Variants in TRIM5 observed in about 807,000 individuals in gnomAD.
TRIM5 encodes the protein tripartite motif-containing protein 5.
A neutral mutation model predicts 35.6 loss-of-function variants in TRIM5; 31 were observed. The observed-to-expected ratio is 0.87, with a 90% CI of 0.65 to 1.18. The LOEUF (loss-of-function observed/expected upper bound fraction) is 1.18, where lower values mean the gene tolerates loss of function less well. Ranked by LOEUF, TRIM5 falls within the 50% of genes most tolerant of loss-of-function variation. The pLI, the probability that TRIM5 is intolerant of heterozygous loss-of-function variation, is 0.00. For missense variants in TRIM5, 609 were observed against 591.6 expected, an observed-to-expected ratio of 1.03 and a Z score of -0.31; for synonymous variants, 243 against 215.6, an observed-to-expected ratio of 1.13 and a Z score of -1.11.
chr11:5,645,926 T>G, the TRIM5 span: 40 of 157,500 alleles, frequency 2.5e-4, no homozygotes, highest in Non-Finnish European at 4.0e-4. Context: ...GATATATATA[T>G]AGATATATAA....
rs59932562 is a variant in TRIM5, at chr11:5,680,480, T to A, written c.-61-242A>T. On this transcript the variant is annotated intron_variant, in intron 1 of 7. Coordinates refer to ENST00000380034, the MANE Select transcript of TRIM5 (RefSeq NM_033034.3). ...CTTATCTGTGCATTGGTTATCATTT[T>A]TCTTTACTTTCAATGAATAGAAAAC... 2.3e-3 allele frequency among the ~76,000 whole-genome samples: 352 copies of A among 152,342 alleles called. 2 individuals carry two copies. The highest frequency in any genetic ancestry group is 3.5e-3 in the Non-Finnish European group (235 of 68,032).
chr11:5,678,139 G>A (rs986264944), intron 4 of TRIM5, 65 bp downstream of exon 4: 8 of 1,383,566 alleles, frequency 5.8e-6, no homozygotes, highest in African/African-American at 2.9e-5. Context: ...GCACAGCAAC[G>A]CAGAGAAGGA....
chr11:5,681,924 G>A lies in TRIM5; in HGVS notation c.-61-1686C>T, dbSNP rs143080102. Among the ~76,000 whole-genome samples, 1,408 of 152,018 alleles carry A rather than the reference G, an allele frequency of 9.3e-3. 22 individuals are homozygous for A. The highest frequency in any genetic ancestry group is 0.03 in the African/African-American group (1,252 of 41,480). ...AGTGACTCCTCTGCCCCAGCCTCCC[G>A]AGCAGCTGGGACCACAGGCACGCAC... On this transcript the variant is annotated intron_variant, in intron 1 of 7. Coordinates refer to ENST00000380034, the MANE Select transcript of TRIM5 (RefSeq NM_033034.3).
chr11:5,630,296 T>C, the TRIM5 span, among the ~76,000 whole-genome samples: 1 of 152,180 alleles, frequency 6.6e-6, no homozygotes, highest in Non-Finnish European at 1.5e-5. Context: ...TAACCTTTTT[T>C]TCCCCCACAT....
chr11:5,632,888 G>C, the TRIM5 span: 1 of 1,240,200 alleles, frequency 8.1e-7, no homozygotes, highest in Non-Finnish European at 1.0e-6. Flanking sequence ...GTGCAGTGGC[G>C]TGCTCTCGGC....
At chr11:5,653,777 C>A in the TRIM5 span, among the ~76,000 whole-genome samples, 11 of 152,174 alleles carry the variant, frequency 7.2e-5, no homozygotes, top group South Asian at 2.1e-3. Context: ...AGGTGTGAGC[C>A]ACCACGCCCG....
the TRIM5 span, among the ~76,000 whole-genome samples, chr11:5,602,075 G>C: frequency 6.6e-6 from 1 of 152,184 alleles, no homozygotes; most frequent in Non-Finnish European, 1.5e-5. Flanking sequence ...TGAACAAAAA[G>C]TCTCAGATCT....
At chr11:5,670,570 C>T (rs1851511422) in intron 4 of TRIM5, among the ~76,000 whole-genome samples, 1 of 152,036 alleles carries the variant, frequency 6.6e-6, no homozygotes, top group African/African-American at 2.4e-5. Context: ...CCTGGCCATG[C>T]TAAAGACACA....
the TRIM5 span, among the ~76,000 whole-genome samples, chr11:5,592,913 T>C: frequency 0.011 from 754 of 70,442 alleles, 9 homozygotes; most frequent in African/African-American, 0.045. Context: ...TGAGATTGTC[T>C]CAAAAAAAAA....
chr11:5,600,338 T>G, the TRIM5 span, among the ~76,000 whole-genome samples: 23 of 152,188 alleles, frequency 1.5e-4, no homozygotes, highest in Non-Finnish European at 2.8e-4. Context: ...ATAATTAAAT[T>G]CTTGCTGAAT....
chr11:5,611,096 G>A, the TRIM5 span: 1 of 1,613,994 alleles, frequency 6.2e-7, no homozygotes, highest in Non-Finnish European at 8.5e-7. Flanking sequence ...TTGGGTTACA[G>A]CATAACCATG....
At chr11:5,674,107 G>T (rs565864288) in intron 4 of TRIM5, among the ~76,000 whole-genome samples, 22 of 152,028 alleles carry the variant, frequency 1.4e-4, no homozygotes, top group African/African-American at 5.3e-4. Context: ...TTTCATAAAA[G>T]TTAACAAAAT....
chr11:5,608,232 GT>G, the TRIM5 span: 10 of 1,311,088 alleles, frequency 7.6e-6, no homozygotes, highest in African/African-American at 1.5e-5. Flanking sequence ...TCTGCCCTGA[GT>G]TTTTTCTCTA....
chr11:5,594,866 G>C, the TRIM5 span, among the ~76,000 whole-genome samples: 1 of 152,122 alleles, frequency 6.6e-6, no homozygotes, highest in Non-Finnish European at 1.5e-5. Context: ...TTTGGGTGGG[G>C]TCAGGAGAAT....
intron 4 of TRIM5, among the ~76,000 whole-genome samples, chr11:5,668,443 T>C (rs576146560): frequency 2.1e-4 from 31 of 150,932 alleles, no homozygotes; most frequent in East Asian, 1.3e-3. Context: ...TAAACAAGTA[T>C]AGATATTTTT....
the TRIM5 span, chr11:5,603,190 C>T: frequency 6.4e-7 from 1 of 1,570,004 alleles, no homozygotes; most frequent in East Asian, 2.2e-5. Context: ...GTCAGTATTC[C>T]CTTATTCTCC....
At chr11:5,594,986 C>T in the TRIM5 span, among the ~76,000 whole-genome samples, 1 of 152,232 alleles carries the variant, frequency 6.6e-6, no homozygotes, top group African/African-American at 2.4e-5. Context: ...TCTGAAATAA[C>T]CTTTGCGTGG....
rs373030263 is a variant in TRIM5, at chr11:5,665,664, C to T, written c.887G>A (p.Arg296His). 13 of 1,530,500 alleles carry T rather than the reference C, an allele frequency of 8.5e-6. No homozygotes were observed. In the East Asian group the frequency reaches 2.5e-4, roughly 30 times the overall value. 94.8% of individuals were successfully genotyped at this position (1,530,500 alleles called of 1,614,324 possible). A position where few individuals can be genotyped will look rare whatever the true frequency, so the allele number is the denominator to read the frequency against. Residue 296 changes from arginine (R) to histidine (H), a missense_variant, in exon 7 of 8, where the codon CGC (arginine) becomes CAC (histidine). Arg to His is a conservative substitution (Grantham distance 29). Transcript: ENST00000380034. ...ATGTGACTTCTCCTTACCCCAGTAG[C>T]GTCGGACATCTGTCAGCTCTGAAAT... is the stretch of plus-strand genomic sequence containing the variant. ...EVFRELTDVR[R>H]YWVDVTVAPN...
At chr11:5,669,142 C>T (rs934762888) in intron 4 of TRIM5, among the ~76,000 whole-genome samples, 6 of 149,418 alleles carry the variant, frequency 4.0e-5, no homozygotes, top group Admixed American at 1.3e-4. Context: ...TGCAACGGCG[C>T]GATCTCAGCT....
Sources: gnomAD v4.1 joint callset for allele counts (sites outside exome capture counted in the v4.1 genomes callset) on GRCh38, gnomAD v4.1.1 for gene constraint, MANE v1.5 for transcripts, NCBI Gene and HGNC (gene_info 2026-07-23, HGNC 2026-07-21) for gene names.